NRG1: variants seen among roughly 807,000 people sequenced by gnomAD.
NRG1 encodes pro-neuregulin-1, membrane-bound isoform.
In NRG1, 18 loss-of-function variants were observed where a neutral mutation model predicts 63.8. That is an observed-to-expected ratio of 0.28 (90% CI 0.19 to 0.42). NRG1 has a LOEUF of 0.42. Among genes scored for constraint, NRG1 ranks in the 10% least tolerant of loss-of-function variants. The pLI is 1.00. For synonymous variants in NRG1, 302 were observed against 301.3 expected, an observed-to-expected ratio of 1.00 and a Z score of -0.02; for missense variants, 762 against 814.7, an observed-to-expected ratio of 0.94 and a Z score of 0.79.
At chr8:32,125,312 T>C (rs1178735335) in intron 1 of NRG1, among the ~76,000 whole-genome samples, 1 of 151,958 alleles carries the variant, frequency 6.6e-6, no homozygotes, top group Admixed American at 6.6e-5. Flanking sequence ...AGAGGTCACA[T>C]AACAGGTCGA....
chr8:32,124,907 A>G (rs980814097), intron 1 of NRG1, among the ~76,000 whole-genome samples: 2 of 151,906 alleles, frequency 1.3e-5, no homozygotes, highest in African/African-American at 2.4e-5. Flanking sequence ...TACACATGGG[A>G]AAATAGACAC....
At chr8:32,327,587 T>A (rs1802160115) in intron 1 of NRG1, among the ~76,000 whole-genome samples, 1 of 152,252 alleles carries the variant, frequency 6.6e-6, no homozygotes, top group South Asian at 2.1e-4. Context: ...TTGAATCTTC[T>A]GTGGAAGTTT....
intron 1 of NRG1, among the ~76,000 whole-genome samples, chr8:31,862,193 C>G (rs893991326): frequency 1.3e-5 from 2 of 152,142 alleles, no homozygotes; most frequent in Non-Finnish European, 2.9e-5. Context: ...TACCTCTTTA[C>G]TTTTTTGAGA....
rs115436794 is a variant in NRG1, at chr8:31,751,754, G to A, written c.37+112323G>A. 4.6e-3 allele frequency among the ~76,000 whole-genome samples: 706 copies of A among 151,994 alleles called. 7 individuals carry two copies. The highest frequency in any genetic ancestry group is 0.016 in the African/African-American group (663 of 41,520). On this transcript the variant is annotated intron_variant, in intron 1 of 10. Coordinates refer to the NRG1 transcript ENST00000519301. ...GGAGAGAGATAGAGAGTTTGGGGAC[G>A]ATGGGCAGAATTAATAGAATTCATT...
intron 1 of NRG1, among the ~76,000 whole-genome samples, chr8:32,392,652 CA>C (rs1369050264): frequency 6.6e-6 from 1 of 152,146 alleles, no homozygotes; most frequent in African/African-American, 2.4e-5. Flanking sequence ...GAATATTATC[CA>C]GCAGAGGGAA....
intron 1 of NRG1, among the ~76,000 whole-genome samples, chr8:31,771,132 G>T (rs1378950892): frequency 1.3e-5 from 2 of 152,090 alleles, no homozygotes; most frequent in Non-Finnish European, 2.9e-5. Flanking sequence ...GGAACTCTTT[G>T]GTGCAGTCCC....
chr8:32,241,884 G>C (rs938496550), intron 1 of NRG1, among the ~76,000 whole-genome samples: 3 of 151,794 alleles, frequency 2.0e-5, no homozygotes, highest in Non-Finnish European at 4.4e-5. Flanking sequence ...TCAGCCTCCT[G>C]AGTAGCTGGG....
chr8:32,163,289 C>A (rs182986260), intron 1 of NRG1, among the ~76,000 whole-genome samples: 1 of 152,150 alleles, frequency 6.6e-6, no homozygotes, highest in South Asian at 2.1e-4. Flanking sequence ...GCACTGACTT[C>A]AGAAACAGAA....
At chr8:32,570,662 A>C (rs528946625) in intron 1 of NRG1, among the ~76,000 whole-genome samples, 87 of 152,172 alleles carry the variant, frequency 5.7e-4, no homozygotes, top group Non-Finnish European at 1.0e-3. Flanking sequence ...ACATACATTC[A>C]GTGTATTTCC....
At chr8:32,767,633 A>G (rs1831528759) in exon 12 of NRG1, 2 of 152,118 alleles carry the variant, frequency 1.3e-5, no homozygotes, top group Non-Finnish European at 2.9e-5. Context: ...AATGTCCTTT[A>G]TTATTTATAT....
chr8:31,882,806 G>GGAT (rs1397080891), intron 1 of NRG1, among the ~76,000 whole-genome samples: 1 of 152,070 alleles, frequency 6.6e-6, no homozygotes, highest in East Asian at 1.9e-4. Context: ...TGATGCCTGT[G>GGAT]GATGTGACTG....
chr8:31,730,755 C>G (rs768572034), intron 1 of NRG1, among the ~76,000 whole-genome samples: 9 of 151,924 alleles, frequency 5.9e-5, no homozygotes, highest in Non-Finnish European at 1.3e-4. Context: ...AGTACTTAGG[C>G]AAAAACCAAG....
chr8:32,076,951 T>C (rs1159401487), intron 1 of NRG1, among the ~76,000 whole-genome samples: 2 of 152,204 alleles, frequency 1.3e-5, no homozygotes, highest in South Asian at 2.1e-4. Context: ...GAAAACTTGG[T>C]TTGTCCTAGG....
Position 31,640,790 on chromosome 8 carries a change from G to C in NRG1, c.37+1359G>C. 4 of 1,437,818 alleles carry C rather than the reference G, an allele frequency of 2.8e-6. No individual in the cohort carries two copies. The highest frequency in any genetic ancestry group is 3.6e-6 in the Non-Finnish European group (4 of 1,095,972). 89.1% of individuals were successfully genotyped at this position (1,437,818 alleles called of 1,614,324 possible). On this transcript the variant is annotated intron_variant, in intron 1 of 10. Transcript: ENST00000519301. This position sits in a 1 kb window ranked among gnomAD's most constrained non-coding sequence, Gnocchi z 6.3. ...CGAGGAGGGCGCATCCCGGGCGCGCGGGCAGCGGGGCTCGACGGCCGCCCG... is the reference window on the plus strand; with the variant it reads ...CGAGGAGGGCGCATCCCGGGCGCGCCGGCAGCGGGGCTCGACGGCCGCCCG...
intron 1 of NRG1, among the ~76,000 whole-genome samples, chr8:32,453,315 T>C (rs144973558): frequency 1.3e-5 from 2 of 152,340 alleles, no homozygotes; most frequent in East Asian, 1.9e-4. Context: ...TTATTGACAA[T>C]CTACGTATCA....
intron 1 of NRG1, among the ~76,000 whole-genome samples, chr8:32,046,138 T>C (rs201837009): frequency 3.5e-5 from 1 of 28,938 alleles, no homozygotes; most frequent in African/African-American, 8.7e-5. Flanking sequence ...GCAAAAGTCT[T>C]GAACAGATTG....
At chr8:32,268,355 TA>T (rs1851204168) in intron 1 of NRG1, among the ~76,000 whole-genome samples, 2 of 152,274 alleles carry the variant, frequency 1.3e-5, no homozygotes, top group East Asian at 1.9e-4. Context: ...TATACAGAAA[TA>T]AAAAATGAAC....
chr8:31,927,532 T>C (rs1413119446), intron 1 of NRG1, among the ~76,000 whole-genome samples: 1 of 131,162 alleles, frequency 7.6e-6, no homozygotes, highest in African/African-American at 2.9e-5. Context: ...CACTGCAAGC[T>C]CCGCCTCCGG....
chr8:32,671,139 T>G (rs1337648588), intron 5 of NRG1, among the ~76,000 whole-genome samples: 2 of 151,778 alleles, frequency 1.3e-5, no homozygotes, highest in African/African-American at 4.8e-5. Flanking sequence ...TTTTTTTTTT[T>G]TTTAGCAAAT....
Sources: allele counts gnomAD v4.1 joint callset (sites outside exome capture counted in the v4.1 genomes callset), GRCh38; gene constraint gnomAD v4.1.1; non-coding constraint Gnocchi (gnomAD v3.1); transcripts MANE v1.5; gene names NCBI Gene and HGNC (gene_info 2026-07-23, HGNC 2026-07-21).